KTN1: variants seen among roughly 807,000 people sequenced by gnomAD.
The protein encoded by KTN1 is kinectin.
Under a neutral mutation model 222.5 loss-of-function variants are expected in KTN1, and 130 were observed. The observed-to-expected ratio is 0.58, with a 90% CI of 0.51 to 0.68. KTN1 has a LOEUF of 0.68. Ranked by LOEUF, KTN1 falls within the 30% of genes least tolerant of loss-of-function variation. KTN1 has a pLI of 0.00. For missense variants in KTN1, 1,508 were observed against 1,500.4 expected (o/e 1.01, Z -0.08); for synonymous variants, 512 against 496.3 (o/e 1.03, Z -0.42).
chr14:55,613,125 G>C (rs995581562), intron 2 of KTN1, among the ~76,000 whole-genome samples: 1 of 152,132 alleles, frequency 6.6e-6, no homozygotes, highest in Non-Finnish European at 1.5e-5. Flanking sequence ...CTAGGTATTA[G>C]GGCTACAGAG....
intron 4 of KTN1, among the ~76,000 whole-genome samples, chr14:55,618,630 C>T (rs528457416): frequency 1.3e-5 from 2 of 152,102 alleles, no homozygotes; most frequent in Admixed American, 6.6e-5. Context: ...ATGCCTAATA[C>T]GAGAACCTTG....
At chr14:55,604,529 C>T (rs546260801) in intron 1 of KTN1, among the ~76,000 whole-genome samples, 2 of 152,220 alleles carry the variant, frequency 1.3e-5, no homozygotes, top group African/African-American at 2.4e-5. Context: ...TCTTCCTGTG[C>T]TCCCTATTTC....
chr14:55,622,760 T>C (rs903590319), intron 5 of KTN1, among the ~76,000 whole-genome samples: 10 of 152,212 alleles, frequency 6.6e-5, no homozygotes, highest in Non-Finnish European at 7.3e-5. Flanking sequence ...TTTGTTTTTT[T>C]CCCACATAAC....
chr14:55,620,173 G>A (rs1305997238), intron 5 of KTN1, among the ~76,000 whole-genome samples: 1 of 152,160 alleles, frequency 6.6e-6, no homozygotes, highest in Non-Finnish European at 1.5e-5. Context: ...TCACATCCAC[G>A]TCATGCTGTT....
intron 28 of KTN1, among the ~76,000 whole-genome samples, chr14:55,654,768 A>G (rs1285897588): frequency 1.3e-5 from 2 of 152,184 alleles, no homozygotes; most frequent in Non-Finnish European, 2.9e-5. Context: ...TTTAACATGT[A>G]TAATGACATG....
At chr14:55,658,416 AT>A in intron 29 of KTN1, 129 bp from the exon 30 acceptor site, 1 of 654,584 alleles carries the variant, frequency 1.5e-6, no homozygotes, top group Non-Finnish European at 2.7e-6. Flanking sequence ...TAAAGAGCTT[AT>A]TACACCCTTT....
chr14:55,634,449 C>A, intron 8 of KTN1, 77 bp from the exon 9 acceptor site: 1 of 726,366 alleles, frequency 1.4e-6, no homozygotes, highest in African/African-American at 2.9e-5. Flanking sequence ...CTCAGCAAAA[C>A]TAACAAAGTA....
chr14:55,591,661 T>C (rs1272227530), intron 1 of KTN1, among the ~76,000 whole-genome samples: 3 of 144,610 alleles, frequency 2.1e-5, no homozygotes, highest in African/African-American at 7.6e-5. Flanking sequence ...CGATCTCTGC[T>C]CACTGCAACC....
intron 5 of KTN1, among the ~76,000 whole-genome samples, chr14:55,619,932 A>G (rs1259279684): frequency 6.6e-6 from 1 of 152,150 alleles, no homozygotes; most frequent in African/African-American, 2.4e-5. Flanking sequence ...TCAAAAGTCC[A>G]CAGTCCAAAG....
In KTN1 at chr14:55,616,554, A is replaced by T. The variant is rs764848933; in HGVS notation, c.561A>T (p.Pro187=). 1.9e-6 allele frequency: 3 copies of T among 1,603,712 alleles called. No homozygotes were observed. Among genetic ancestry groups the T allele is most frequent in the Non-Finnish European group, 2.5e-6 (3 of 1,177,386 alleles). The change falls in exon 3 of 44, where the codon CCA becomes CCT. Residue 187 remains proline, a synonymous_variant. Coordinates refer to ENST00000395314, the MANE Select transcript of KTN1 (RefSeq NM_001079521.2). ...QDKKVETLMV[P]SKRQEALPLH... ...AAAAGGTGGAAACTCTCATGGTACC[A>T]TCAAAAAGGCAAGAAGCATTGCCCC... is the stretch of plus-strand genomic sequence containing the variant.
At chr14:55,649,095 AT>A (rs1022346540) in intron 21 of KTN1, among the ~76,000 whole-genome samples, 80 of 152,040 alleles carry the variant, frequency 5.3e-4, no homozygotes, top group Admixed American at 2.1e-3. Context: ...CTCGGCTTTT[AT>A]TTTATTTTTT....
intron 20 of KTN1, 68 bp downstream of exon 20, chr14:55,648,183 T>G (rs564211120): frequency 1.0e-5 from 8 of 768,654 alleles, no homozygotes; most frequent in Non-Finnish European, 1.7e-5. Flanking sequence ...CTCTGTAATT[T>G]GTGTAAGGTT....
Position 55,643,082 on chromosome 14 carries a change from G to T in KTN1, c.2172+1322G>T, listed in dbSNP as rs971642000. ...ATGCCACCATGCTCCGCTGATTTTT[G>T]TATTTTTAGCAGAGACGGGGTTTTG... On this transcript the variant is annotated intron_variant, in intron 18 of 43. Transcript: ENST00000395314. Among the ~76,000 whole-genome samples the T allele has an allele frequency of 3.3e-4, 50 of 151,886 alleles. 1 individual carries two copies. The highest frequency in any genetic ancestry group is 2.9e-5 in the Non-Finnish European group (2 of 67,984).
At chr14:55,597,632 T>C (rs1226784528) in intron 1 of KTN1, among the ~76,000 whole-genome samples, 1 of 152,082 alleles carries the variant, frequency 6.6e-6, no homozygotes, top group Admixed American at 6.6e-5. Flanking sequence ...GGCGGGCAGA[T>C]CACTTGAGGT....
intron 38 of KTN1, 81 bp downstream of exon 38, chr14:55,672,782 A>T: frequency 2.7e-6 from 3 of 1,101,600 alleles, no homozygotes; most frequent in Non-Finnish European, 4.1e-6. Flanking sequence ...ATAGTTTAAG[A>T]TTACTTTATA....
chr14:55,617,060 C>G (rs1177698583), intron 3 of KTN1, among the ~76,000 whole-genome samples: 1 of 152,122 alleles, frequency 6.6e-6, no homozygotes, highest in African/African-American at 2.4e-5. Context: ...AAACAGAACT[C>G]ACATGTGTAT....
intron 2 of KTN1, among the ~76,000 whole-genome samples, chr14:55,615,740 T>C (rs2038258318): frequency 6.6e-6 from 1 of 152,038 alleles, no homozygotes. Context: ...TGTAAGGAAA[T>C]GGATGTGGGA....
rs754889831 is a variant in KTN1, at chr14:55,612,481, C to A, written c.433C>A (p.Pro145Thr). Residue 145 changes from proline (P) to threonine (T), a missense_variant, in exon 2 of 44, where the codon CCT becomes ACT. Transcript: ENST00000395314. ...AAAGATTCCTGGCAAAAAAGTAGAACCTGTCCCAGTTACTAAACAGCCCAC... is the reference window on the plus strand; with the variant it reads ...AAAGATTCCTGGCAAAAAAGTAGAAACTGTCCCAGTTACTAAACAGCCCAC... ...ASKIPGKKVE[P>T]VPVTKQPTPP... The A allele has an allele frequency of 2.3e-5, 37 of 1,614,072 alleles. No individual in the cohort carries two copies. In the South Asian group the frequency reaches 4.1e-4, roughly 18 times the overall value.
At chr14:55,629,131 T>G (rs1248481737) in intron 6 of KTN1, among the ~76,000 whole-genome samples, 1 of 152,154 alleles carries the variant, frequency 6.6e-6, no homozygotes, top group African/African-American at 2.4e-5. Flanking sequence ...AGATTTGACT[T>G]AGTGGCCGGG....
Sources: gnomAD v4.1 joint callset for allele counts (sites outside exome capture counted in the v4.1 genomes callset) on GRCh38, gnomAD v4.1.1 for gene constraint, MANE v1.5 for transcripts, NCBI Gene and HGNC (gene_info 2026-07-23, HGNC 2026-07-21) for gene names.